ZNF385D: variants seen among roughly 807,000 people sequenced by gnomAD.
ZNF385D encodes zinc finger protein 659.
ZNF385D carries 15 observed loss-of-function variants against 35.8 expected under a neutral mutation model. The observed-to-expected ratio is 0.42, with a 90% CI of 0.28 to 0.64. The LOEUF is 0.64. Ranked by LOEUF, ZNF385D falls within the 30% of genes least tolerant of loss-of-function variation. The pLI is 0.23. For synonymous variants in ZNF385D, 212 were observed against 186.8 expected, an observed-to-expected ratio of 1.13 and a Z score of -1.10; for missense variants, 474 against 494.6, an observed-to-expected ratio of 0.96 and a Z score of 0.39.
chr3:22,347,796 T>C (rs568029355), intron 2 of ZNF385D, among the ~76,000 whole-genome samples: 29 of 152,272 alleles, frequency 1.9e-4, no homozygotes, highest in African/African-American at 7.0e-4. Flanking sequence ...TACAGAACTA[T>C]ATAGTCTCTC....
chr3:21,751,123 G>A lies in ZNF385D; in HGVS notation c.-207C>T, dbSNP rs1028738828. The A allele has an allele frequency of 2.7e-6, 4 of 1,463,742 alleles. No individual in the cohort carries two copies. Among genetic ancestry groups the A allele is most frequent in the Non-Finnish European group, 3.6e-6 (4 of 1,108,808 alleles). The allele number at this position is 1,463,742 out of a possible 1,614,324, so 90.7% of individuals were successfully genotyped here. A position where few individuals can be genotyped will look rare whatever the true frequency, so the allele number is the denominator to read the frequency against. On this transcript the variant is annotated 5_prime_UTR_variant, in exon 1 of 8. Coordinates refer to ENST00000281523, the MANE Select transcript of ZNF385D (RefSeq NM_024697.3). The stretch of plus-strand genomic sequence containing the variant: ...CTAAGATCCCCGGCGGCTGGAGAGT[G>A]CGCTCGGGCTGCCTGCTGCACTGCC...
chr3:21,707,975 A>G (rs1156897027), intron 1 of ZNF385D, among the ~76,000 whole-genome samples: 1 of 152,154 alleles, frequency 6.6e-6, no homozygotes, highest in East Asian at 1.9e-4. Context: ...TGGATGTTTT[A>G]GTCCTGGGTC....
chr3:21,675,070 G>A (rs943457302), intron 1 of ZNF385D, among the ~76,000 whole-genome samples: 3 of 151,976 alleles, frequency 2.0e-5, no homozygotes, highest in African/African-American at 7.3e-5. Context: ...CAAACCAGCA[G>A]CTTCTTTGAA....
chr3:22,245,902 C>T (rs1008961480), intron 2 of ZNF385D, among the ~76,000 whole-genome samples: 1 of 152,020 alleles, frequency 6.6e-6, no homozygotes, highest in South Asian at 2.1e-4. Flanking sequence ...TGAATCATTT[C>T]CAGGAAAATC....
At chr3:21,959,596 G>C (rs1021684011) in intron 3 of ZNF385D, among the ~76,000 whole-genome samples, 2 of 152,158 alleles carry the variant, frequency 1.3e-5, no homozygotes, top group Non-Finnish European at 2.9e-5. Context: ...GTACTCAGAA[G>C]TTGTTCAGAC....
chr3:22,036,083 T>C lies in ZNF385D; in HGVS notation c.325+132734A>G, dbSNP rs75133704. The stretch of plus-strand genomic sequence containing the variant: ...CCTGGGAGGAATCCTAACTCCACCA[T>C]GAGTATTTAAAATAACATGCATGAA... On this transcript the variant is annotated intron_variant, in intron 3 of 5. Coordinates refer to the ZNF385D transcript ENST00000494108. Among the ~76,000 whole-genome samples, 18 of 152,282 alleles carry C rather than the reference T, an allele frequency of 1.2e-4. No homozygotes were observed. In the East Asian group the frequency reaches 2.9e-3, roughly 24 times the overall value.
intron 3 of ZNF385D, among the ~76,000 whole-genome samples, chr3:21,562,651 A>T (rs912523780): frequency 6.6e-6 from 1 of 152,218 alleles, no homozygotes; most frequent in Non-Finnish European, 1.5e-5. Context: ...GGCTCCTGGG[A>T]GACTTTTAAA....
rs541145111 is a variant in ZNF385D at position 21,907,390 on chromosome 3, T to G, written c.326-242362A>C. Among the ~76,000 whole-genome samples, 8 of 152,248 alleles carry G rather than the reference T, an allele frequency of 5.3e-5. 1 individual carries two copies. The highest frequency in any genetic ancestry group is 1.4e-4 in the African/African-American group (6 of 41,552). ...GCATTTGTTACCCTTCACAATATCT[T>G]TTTTTGTATAATAAAATCCATTTTC... is the stretch of plus-strand genomic sequence containing the variant. On this transcript the variant is annotated intron_variant, in intron 3 of 5. Transcript: ENST00000494108.
At position 21,420,028 on chromosome 3, in the gene ZNF385D, C is replaced by A. The variant is rs900554533; in HGVS notation, c.*1186G>T. On this transcript the variant is annotated 3_prime_UTR_variant, in exon 8 of 8. Coordinates refer to ENST00000281523, the MANE Select transcript of ZNF385D (RefSeq NM_024697.3). ...TTTTTAACACTATGTCATTGGTGTG[C>A]AATTAACTCAGATTCATATTTCCTG... The A allele has an allele frequency of 3.3e-5, 5 of 151,888 alleles. No individual in the cohort carries two copies. In the South Asian group the frequency reaches 1.0e-3, roughly 32 times the overall value. 9.4% of individuals were successfully genotyped at this position (151,888 alleles called of 1,614,324 possible). A position where few individuals can be genotyped will look rare whatever the true frequency, so the allele number is the denominator to read the frequency against.
At position 21,420,968 on chromosome 3, in the gene ZNF385D, T is replaced by C. The variant is rs901641985; in HGVS notation, c.*246A>G. ...AGGTCTAGATACCACTACAAATCAA[T>C]GCTGGAGATCACTTCTAAAACAATC... On this transcript the variant is annotated 3_prime_UTR_variant, in exon 8 of 8. Coordinates refer to ENST00000281523, the MANE Select transcript of ZNF385D (RefSeq NM_024697.3). 2 of 485,440 alleles carry C rather than the reference T, an allele frequency of 4.1e-6. No individual in the cohort carries two copies. Among genetic ancestry groups the C allele is most frequent in the Non-Finnish European group, 7.4e-6 (2 of 269,170 alleles). The allele number at this position is 485,440 out of a possible 1,614,324, so 30.1% of individuals were successfully genotyped here.
At chr3:22,367,272 T>C (rs2125229420) in intron 2 of ZNF385D, among the ~76,000 whole-genome samples, 1 of 152,206 alleles carries the variant, frequency 6.6e-6, no homozygotes, top group Middle Eastern at 3.4e-3. Flanking sequence ...TAAAGAGAGG[T>C]GCAATAACTT....
At position 21,670,647 on chromosome 3, in the gene ZNF385D, G is replaced by GCC. The variant is rs1575432248; in HGVS notation, c.23-5620_23-5619insGG. ...CTGAGAAATAAAAATGAAATCCTAA[G>GCC]GCGCCCCCCCCCCCCCCCCCCCCCC... On this transcript the variant is annotated intron_variant, in intron 1 of 7. Coordinates refer to ENST00000281523, the MANE Select transcript of ZNF385D (RefSeq NM_024697.3). Among the ~76,000 whole-genome samples the GCC allele has an allele frequency of 4.4e-4, 7 of 15,754 alleles. 1 individual carries two copies. The highest frequency in any genetic ancestry group is 6.1e-4 in the Non-Finnish European group (5 of 8,138). The allele number at this position is 15,754 out of a possible 152,430, so 10.3% of individuals were successfully genotyped here.
intron 2 of ZNF385D, among the ~76,000 whole-genome samples, chr3:22,368,629 C>T (rs1384446676): frequency 6.6e-6 from 1 of 152,134 alleles, no homozygotes; most frequent in Admixed American, 6.5e-5. Context: ...CTGCAGATGG[C>T]TATCTTCTTG....
chr3:22,236,523 T>C (rs1699194087), intron 2 of ZNF385D, among the ~76,000 whole-genome samples: 1 of 152,190 alleles, frequency 6.6e-6, no homozygotes, highest in Non-Finnish European at 1.5e-5. Flanking sequence ...TACAGTATTA[T>C]GCCTGTCTAA....
chr3:21,834,640 T>G (rs1695209823), intron 3 of ZNF385D, among the ~76,000 whole-genome samples: 1 of 152,190 alleles, frequency 6.6e-6, no homozygotes, highest in African/African-American at 2.4e-5. Flanking sequence ...ACAATTTGTA[T>G]TCATCTTTTC....
chr3:21,429,365 A>G (rs1701185185), intron 5 of ZNF385D, among the ~76,000 whole-genome samples: 1 of 152,072 alleles, frequency 6.6e-6, no homozygotes, highest in African/African-American at 2.4e-5. Flanking sequence ...TTCCTGTGAA[A>G]TTATATATAT....
chr3:22,136,367 G>A (rs911228703), intron 3 of ZNF385D, among the ~76,000 whole-genome samples: 15 of 144,300 alleles, frequency 1.0e-4, no homozygotes, highest in Admixed American at 2.1e-4. Context: ...CCGCCTGGGC[G>A]ACAAAGTGAG....
chr3:22,178,768 G>A (rs925114719), intron 2 of ZNF385D, among the ~76,000 whole-genome samples: 1 of 152,210 alleles, frequency 6.6e-6, no homozygotes, highest in African/African-American at 2.4e-5. Context: ...TGTATAACGT[G>A]TAAGGAAGGG....
intron 3 of ZNF385D, among the ~76,000 whole-genome samples, chr3:22,142,214 T>C (rs2125705306): frequency 6.6e-6 from 1 of 152,324 alleles, no homozygotes; most frequent in South Asian, 2.1e-4. Context: ...GTATGTTCTT[T>C]ACTAGTGTTT....
Sources: allele counts gnomAD v4.1 joint callset (sites outside exome capture counted in the v4.1 genomes callset), GRCh38; gene constraint gnomAD v4.1.1; transcripts MANE v1.5; gene names NCBI Gene and HGNC (gene_info 2026-07-23, HGNC 2026-07-21).